The following IQSEC1 variants were observed in gnomAD, a reference collection of about 807,000 sequenced individuals.
The protein encoded by IQSEC1 is IQ motif and SEC7 domain-containing protein 1.
Under a neutral mutation model 91.0 loss-of-function variants are expected in IQSEC1, and 31 were observed. The ratio of observed to expected loss-of-function variants is 0.34; its 90% CI spans 0.26 to 0.46. The LOEUF (loss-of-function observed/expected upper bound fraction) is 0.46. Ranked by LOEUF, IQSEC1 falls within the 20% of genes least tolerant of loss-of-function variation. IQSEC1 has a pLI of 1.00. For synonymous variants in IQSEC1, 699 were observed against 662.6 expected, an observed-to-expected ratio of 1.05 and a Z score of -0.84; for missense variants, 1,388 against 1,575.6, an observed-to-expected ratio of 0.88 and a Z score of 2.02.
intron 2 of IQSEC1, among the ~76,000 whole-genome samples, chr3:13,157,083 C>T (rs896493631): frequency 6.6e-6 from 1 of 152,236 alleles, no homozygotes; most frequent in African/African-American, 2.4e-5. Context: ...AAAGTCCTCA[C>T]TGTCCCAAAC....
At chr3:13,051,914 A>C (rs1263273919) in intron 1 of IQSEC1, among the ~76,000 whole-genome samples, 2 of 152,132 alleles carry the variant, frequency 1.3e-5, no homozygotes, top group African/African-American at 4.8e-5. Flanking sequence ...AAAAAAAAAA[A>C]CTGTTTATTT....
intron 1 of IQSEC1, among the ~76,000 whole-genome samples, chr3:13,165,578 GTGTC>G (rs1175748332): frequency 9.5e-6 from 1 of 105,698 alleles, no homozygotes; most frequent in Non-Finnish European, 1.8e-5. Context: ...GTGTGTGTGT[GTGTC>G]TGTCTGTCTT....
intron 2 of IQSEC1, among the ~76,000 whole-genome samples, chr3:13,160,480 T>C (rs1707156080): frequency 6.6e-6 from 1 of 152,150 alleles, no homozygotes; most frequent in Admixed American, 6.5e-5. Context: ...CCTTAATATT[T>C]AGCACAAGCC....
At chr3:12,915,923 C>T (rs568081335) in intron 6 of IQSEC1, among the ~76,000 whole-genome samples, 190 bp from the exon 7 acceptor site, 2 of 152,274 alleles carry the variant, frequency 1.3e-5, no homozygotes, top group African/African-American at 2.4e-5. Flanking sequence ...AGAACGGGCC[C>T]AATACATCCG....
intron 2 of IQSEC1, among the ~76,000 whole-genome samples, chr3:13,157,116 A>G (rs1248240763): frequency 6.6e-6 from 1 of 152,238 alleles, no homozygotes; most frequent in Non-Finnish European, 1.5e-5. Flanking sequence ...TCAGATGCAC[A>G]CATACACATT....
intron 1 of IQSEC1, among the ~76,000 whole-genome samples, chr3:13,063,749 G>A (rs767571294): frequency 6.6e-6 from 1 of 152,188 alleles, no homozygotes; most frequent in Admixed American, 6.5e-5. Flanking sequence ...CTGGGGTGAG[G>A]GGCCGGCCCC....
chr3:13,197,958 G>A (rs966177536), intron 1 of IQSEC1, among the ~76,000 whole-genome samples: 8 of 152,346 alleles, frequency 5.3e-5, no homozygotes, highest in African/African-American at 1.9e-4. Context: ...TTGGATGTGT[G>A]TGCACAGCGT....
chr3:13,131,478 C>CTTTTTTTT (rs61345195), intron 2 of IQSEC1, among the ~76,000 whole-genome samples: 7 of 81,708 alleles, frequency 8.6e-5, no homozygotes, highest in South Asian at 5.0e-4. Flanking sequence ...AAATCTATGT[C>CTTTTTTTT]TTTTTTTTTT....
intron 1 of IQSEC1, among the ~76,000 whole-genome samples, chr3:13,264,899 T>G (rs930432373): frequency 1.3e-5 from 2 of 151,868 alleles, no homozygotes; most frequent in Non-Finnish European, 2.9e-5. Flanking sequence ...TCTGTCTCTC[T>G]ATCACTGTGT....
intron 2 of IQSEC1, among the ~76,000 whole-genome samples, chr3:12,938,674 C>T (rs1407053870): frequency 6.6e-6 from 1 of 152,110 alleles, no homozygotes; most frequent in Non-Finnish European, 1.5e-5. Context: ...ATCTAGGAAG[C>T]CTTTCTTCCC....
chr3:13,125,911 A>T (rs1308057971), intron 2 of IQSEC1, among the ~76,000 whole-genome samples: 2 of 152,126 alleles, frequency 1.3e-5, no homozygotes, highest in African/African-American at 4.8e-5. Context: ...GGTGATGATA[A>T]TTTTCTCACT....
intron 1 of IQSEC1, among the ~76,000 whole-genome samples, chr3:13,265,585 G>A (rs1188195013): frequency 1.3e-5 from 2 of 152,050 alleles, no homozygotes; most frequent in Non-Finnish European, 2.9e-5. Flanking sequence ...AGGCTGGGTG[G>A]GACAGTTCCT....
At chr3:13,054,852 G>A (rs1704818557) in intron 1 of IQSEC1, among the ~76,000 whole-genome samples, 2 of 152,252 alleles carry the variant, frequency 1.3e-5, no homozygotes, top group South Asian at 4.1e-4. Context: ...GGCCTCAGAA[G>A]CCACATGACC....
At chr3:13,077,039 T>C (rs1427866775), upstream of IQSEC1, among the ~76,000 whole-genome samples, 1 of 151,938 alleles carries the variant, frequency 6.6e-6, no homozygotes, top group Non-Finnish European at 1.5e-5. Context: ...TCTTTTTTTT[T>C]TTTTTTAAAG....
rs369227333 is a variant in IQSEC1 at position 12,909,443 on chromosome 3, G to T, written c.2417-9C>A. 1.2e-6 allele frequency: 2 copies of T among 1,612,186 alleles called. No individual in the cohort carries two copies. Among genetic ancestry groups the T allele is most frequent in the Non-Finnish European group, 1.7e-6 (2 of 1,178,706 alleles). Reference sequence around the variant, plus strand: ...GATGCCATTGGGGTAGTCTGCAAAAGGGAAGGAGAGGGGAGGAGGCCCACG... The same window carrying T: ...GATGCCATTGGGGTAGTCTGCAAAATGGAAGGAGAGGGGAGGAGGCCCACG... On this transcript the variant is annotated splice_polypyrimidine_tract_variant and intron_variant, in intron 10 of 13. Coordinates refer to ENST00000613206, the MANE Select transcript of IQSEC1 (RefSeq NM_001134382.3). This position sits in a 1 kb window ranked among gnomAD's most constrained non-coding sequence, Gnocchi z 4.9.
chr3:13,272,301 A>C (rs79417752), intron 1 of IQSEC1, among the ~76,000 whole-genome samples: 1,943 of 152,366 alleles, frequency 0.013, 29 homozygotes, highest in South Asian at 0.018. Flanking sequence ...ATAGCCAGTC[A>C]TCAAGGTTGC....
intron 1 of IQSEC1, among the ~76,000 whole-genome samples, chr3:13,254,333 G>A (rs187553358): frequency 1.0e-3 from 159 of 152,310 alleles, no homozygotes; most frequent in African/African-American, 3.6e-3. Flanking sequence ...GGCTGGACAC[G>A]GAGGCCTGAT....
intron 1 of IQSEC1, among the ~76,000 whole-genome samples, chr3:13,070,966 G>T (rs1417790362): frequency 6.6e-6 from 1 of 152,116 alleles, no homozygotes; most frequent in Non-Finnish European, 1.5e-5. Context: ...ATAGAACATT[G>T]TCCCTGCAAA....
At chr3:13,157,769 C>T (rs1321669388) in intron 2 of IQSEC1, among the ~76,000 whole-genome samples, 2 of 152,138 alleles carry the variant, frequency 1.3e-5, no homozygotes, top group Non-Finnish European at 2.9e-5. Flanking sequence ...AGCCGCGTCT[C>T]CACAGACTGT....
Sources: allele counts gnomAD v4.1 joint callset (sites outside exome capture counted in the v4.1 genomes callset), GRCh38; gene constraint gnomAD v4.1.1; non-coding constraint Gnocchi (gnomAD v3.1); transcripts MANE v1.5; gene names NCBI Gene and HGNC (gene_info 2026-07-23, HGNC 2026-07-21).